ROR2: variants seen among roughly 807,000 people sequenced by gnomAD.
ROR2 encodes the protein tyrosine-protein kinase transmembrane receptor ROR2.
ROR2 carries 33 observed loss-of-function variants against 74.9 expected under a neutral mutation model. The observed-to-expected ratio is 0.44, with a 90% CI of 0.33 to 0.59. The LOEUF is 0.59. Among genes scored for constraint, ROR2 ranks in the 20% least tolerant of loss-of-function variants. The pLI is 0.02. For synonymous variants in ROR2, 586 were observed against 558.7 expected (o/e 1.05, Z -0.69); for missense variants, 1,216 against 1,313.8 (o/e 0.93, Z 1.15).
chr9:91,832,645 C>A (rs1405492491), intron 1 of ROR2, among the ~76,000 whole-genome samples: 1 of 152,148 alleles, frequency 6.6e-6, no homozygotes, highest in Non-Finnish European at 1.5e-5. Flanking sequence ...CTCAGCGGTG[C>A]CCACAGTTCC....
At chr9:91,829,851 G>T (rs1445743922) in intron 1 of ROR2, among the ~76,000 whole-genome samples, 3 of 152,142 alleles carry the variant, frequency 2.0e-5, no homozygotes, top group Non-Finnish European at 4.4e-5. Context: ...TATTTTTAAC[G>T]TAATACAAAT....
At position 91,757,354 on chromosome 9, in the gene ROR2, C is replaced by T. The variant is rs183579802; in HGVS notation, c.381G>A (p.Thr127=). The part of the protein sequence containing the change: ...GSRLRIQDLD[T]TDTGYYQCVA... ...CGCACTGGTAGTAGCCAGTGTCTGT[C>T]GTGTCCAGGTCCTGGATTCGCAGTC... Residue 127 remains threonine, a synonymous_variant, in exon 3 of 9, where the codon ACG becomes ACA. Coordinates refer to ENST00000375708, the MANE Select transcript of ROR2 (RefSeq NM_004560.4). 152 of 1,613,926 alleles carry T rather than the reference C, an allele frequency of 9.4e-5. No individual in the cohort carries two copies. The East Asian group carries it at 3.0e-3, about 32-fold the overall frequency.
At chr9:91,883,411 T>C (rs1347307334) in intron 1 of ROR2, 2 of 152,212 alleles carry the variant, frequency 1.3e-5, no homozygotes, top group East Asian at 3.8e-4. Flanking sequence ...TATAAAATTA[T>C]TAAGGTGATA....
intron 1 of ROR2, among the ~76,000 whole-genome samples, chr9:91,866,056 A>G (rs931908168): frequency 2.6e-5 from 4 of 152,202 alleles, no homozygotes; most frequent in African/African-American, 9.7e-5. Flanking sequence ...GTCAAAGAAG[A>G]AATAGTGATA....
rs561895070 is a variant in ROR2 at position 91,763,910 on chromosome 9, T to A, written c.176-6351A>T. 1.2e-4 allele frequency among the ~76,000 whole-genome samples: 18 copies of A among 152,306 alleles called. No individual in the cohort carries two copies. The South Asian group carries it at 3.5e-3, about 30-fold the overall frequency. On this transcript the variant is annotated intron_variant, in intron 2 of 8. Transcript: ENST00000375708. ...AGCCACTGAGATATGCTCCGCAGAG[T>A]CGGCTTCCTGAAGATGGTCCACATA...
chr9:91,811,672 C>T (rs972734377), intron 1 of ROR2, among the ~76,000 whole-genome samples: 6 of 152,200 alleles, frequency 3.9e-5, no homozygotes, highest in African/African-American at 7.2e-5. Context: ...CACCCAGGGC[C>T]GGGGATCCGA....
intron 1 of ROR2, among the ~76,000 whole-genome samples, chr9:91,941,232 C>T (rs1831856182): frequency 6.7e-6 from 1 of 150,188 alleles, no homozygotes; most frequent in Non-Finnish European, 1.5e-5. Context: ...CTGCTGACCT[C>T]GTGATCCCCC....
chr9:91,875,890 G>C (rs577961981), intron 1 of ROR2, among the ~76,000 whole-genome samples: 1 of 152,182 alleles, frequency 6.6e-6, no homozygotes, highest in South Asian at 2.1e-4. Context: ...GGAAACACCA[G>C]GTTCATCAGA....
intron 4 of ROR2, among the ~76,000 whole-genome samples, chr9:91,749,972 G>A (rs1282064253): frequency 1.3e-5 from 2 of 152,154 alleles, no homozygotes; most frequent in Non-Finnish European, 2.9e-5. Flanking sequence ...CGTGATCTTG[G>A]CTCACTGCAA....
chr9:91,757,279 C>T lies in ROR2; in HGVS notation c.456G>A (p.Val152=), dbSNP rs1166482484. Residue 152 remains valine (V), a synonymous_variant, in exon 3 of 9, where the codon GTG becomes GTA. Transcript: ENST00000375708. ...TTTCACTGTCCAACTCACCCAGCCG[C>T]ACAAACAGGACGCCAGTGGCGGTAA... ...KTITATGVLF[V]RLGPTHSPNH... 1 of 1,614,014 alleles carries T rather than the reference C, an allele frequency of 6.2e-7. No individual in the cohort carries two copies. The highest frequency in any genetic ancestry group is 8.5e-7 in the Non-Finnish European group (1 of 1,180,020).
chr9:91,945,458 T>G (rs1054140888), intron 1 of ROR2, among the ~76,000 whole-genome samples: 2 of 152,220 alleles, frequency 1.3e-5, no homozygotes, highest in Non-Finnish European at 2.9e-5. Flanking sequence ...AGCCGCCACA[T>G]TCTCCTCTGA....
In ROR2 at chr9:91,724,043, G is replaced by C. The variant is rs200396791; in HGVS notation, c.2451C>G (p.Leu817=). 1.2e-6 allele frequency: 2 copies of C among 1,611,712 alleles called. No homozygotes were observed. The highest frequency in any genetic ancestry group is 1.1e-5 in the South Asian group (1 of 91,064). ...QIRPMVPPPQ[L]YVPVNGYQPV... is the part of the protein sequence containing the mutation. ...GCTGGTAGCCGTTGACGGGGACGTA[G>C]AGCTGCGGCGGGGGCACCATGGGTC... Residue 817 remains leucine, a synonymous_variant, in exon 9 of 9, where the codon CTC becomes CTG. Coordinates refer to ENST00000375708, the MANE Select transcript of ROR2 (RefSeq NM_004560.4).
chr9:91,815,164 T>G (rs978181191), intron 1 of ROR2, among the ~76,000 whole-genome samples: 6 of 152,200 alleles, frequency 3.9e-5, no homozygotes, highest in Admixed American at 6.5e-5. Context: ...AAGTTCATGG[T>G]TATATAGATT....
In ROR2 at chr9:91,929,846, G is replaced by A. The variant is rs1018939972; in HGVS notation, c.97+20021C>T. 5.3e-5 allele frequency among the ~76,000 whole-genome samples: 8 copies of A among 152,206 alleles called. No homozygotes were observed. The South Asian group carries it at 8.3e-4, about 16-fold the overall frequency. On this transcript the variant is annotated intron_variant, in intron 1 of 8. Coordinates refer to ENST00000375708, the MANE Select transcript of ROR2 (RefSeq NM_004560.4). Reference sequence around the variant, plus strand: ...CTTCCTGGGTGCTAAGGCCAGGGGCGTGCAAGATCCTGAGTACCACAGAGT... The same window carrying A: ...CTTCCTGGGTGCTAAGGCCAGGGGCATGCAAGATCCTGAGTACCACAGAGT...
intron 1 of ROR2, among the ~76,000 whole-genome samples, chr9:91,927,586 G>C (rs1412498616): frequency 1.3e-5 from 1 of 77,878 alleles, no homozygotes; most frequent in Non-Finnish European, 2.8e-5. Flanking sequence ...TTTTTTTTGA[G>C]ACGGAGTCTC....
At chr9:91,752,332 A>T (rs992683652) in intron 4 of ROR2, among the ~76,000 whole-genome samples, 1 of 152,272 alleles carries the variant, frequency 6.6e-6, no homozygotes, top group African/African-American at 2.4e-5. Context: ...GAATCTGCTT[A>T]GGTGTCCTTC....
chr9:91,938,257 G>A (rs1831753517), intron 1 of ROR2, among the ~76,000 whole-genome samples: 1 of 152,112 alleles, frequency 6.6e-6, no homozygotes, highest in Admixed American at 6.5e-5. Flanking sequence ...CCGGGAGTTG[G>A]AGACCAGTCT....
chr9:91,746,875 T>C (rs1587680655), intron 4 of ROR2, among the ~76,000 whole-genome samples: 5 of 152,176 alleles, frequency 3.3e-5, no homozygotes, highest in African/African-American at 1.2e-4. Flanking sequence ...TGTGTGTGTG[T>C]GTGTGTGTGT....
chr9:91,767,914 G>A (rs964298848), intron 2 of ROR2, among the ~76,000 whole-genome samples: 2 of 152,224 alleles, frequency 1.3e-5, no homozygotes, highest in Admixed American at 1.3e-4. Context: ...ACCCGTGAGT[G>A]TAACTTTATT....
Sources: allele counts gnomAD v4.1 joint callset (sites outside exome capture counted in the v4.1 genomes callset), GRCh38; gene constraint gnomAD v4.1.1; transcripts MANE v1.5; gene names NCBI Gene and HGNC (gene_info 2026-07-23, HGNC 2026-07-21).